IGSF3: variants seen among roughly 807,000 people sequenced by gnomAD.
The protein encoded by IGSF3 is immunoglobulin superfamily member 3, also known as glu-Trp-Ile EWI motif-containing protein 3.
In IGSF3, 23 loss-of-function variants were observed where a neutral mutation model predicts 114.4. That is an observed-to-expected ratio of 0.20 (90% CI 0.14 to 0.28). The LOEUF is 0.28. Ranked by LOEUF, IGSF3 falls within the 10% of genes least tolerant of loss-of-function variation. IGSF3 has a pLI of 1.00. For synonymous variants in IGSF3, 571 were observed against 645.2 expected (o/e 0.88, Z 1.74); for missense variants, 1,172 against 1,591.5 (o/e 0.74, Z 4.48).
intron 2 of IGSF3, among the ~76,000 whole-genome samples, chr1:116,641,718 C>T (rs1009600979): frequency 6.6e-6 from 1 of 151,606 alleles, no homozygotes; most frequent in Non-Finnish European, 1.5e-5. Flanking sequence ...GGAAGGGAAG[C>T]CAGGAAAAGA....
chr1:116,578,027 CACTT>C (rs1207836388), intron 10 of IGSF3, among the ~76,000 whole-genome samples: 1 of 152,220 alleles, frequency 6.6e-6, no homozygotes. Flanking sequence ...CCAGAAATGA[CACTT>C]ACCTGATTAA....
In IGSF3 at chr1:116,647,450, G is replaced by C. The variant is rs1251653719; in HGVS notation, c.43+18834C>G. On this transcript the variant is annotated intron_variant, in intron 2 of 10. Transcript: ENST00000369486. The surrounding 1 kb of genome is among the most constrained non-coding windows in gnomAD (Gnocchi z 4.6). ...GTCTACAGCCAATCAGCTGACCGGG[G>C]TGGCAACCCCTGGCTCTGCTCAACA... Among the ~76,000 whole-genome samples, 3 of 152,346 alleles carry C rather than the reference G, an allele frequency of 2.0e-5. No individual in the cohort carries two copies. The highest frequency in any genetic ancestry group is 3.9e-4 in the East Asian group (2 of 5,182).
At position 116,614,733 on chromosome 1, in the gene IGSF3, G is replaced by A. The variant is rs970056844; in HGVS notation, c.422-558C>T. Among the ~76,000 whole-genome samples the A allele has an allele frequency of 6.6e-6, 1 of 152,066 alleles. No individual in the cohort carries two copies. The highest frequency in any genetic ancestry group is 1.5e-5 in the Non-Finnish European group (1 of 68,020). On this transcript the variant is annotated intron_variant, in intron 3 of 10. Transcript: ENST00000369486. The surrounding 1 kb of genome is among the most constrained non-coding windows in gnomAD (Gnocchi z 4.5). ...AAATAATCATCATACCCTATTTTTAGTGGGTTTAATTTTCGCATAATTCAT... is the reference window on the plus strand; with the variant it reads ...AAATAATCATCATACCCTATTTTTAATGGGTTTAATTTTCGCATAATTCAT...
In IGSF3 at chr1:116,593,748, G is replaced by T. The variant is rs1391922045; in HGVS notation, c.2030-4644C>A. On this transcript the variant is annotated intron_variant, in intron 7 of 10. Transcript: ENST00000369486. The surrounding 1 kb of genome is among the most constrained non-coding windows in gnomAD (Gnocchi z 4.5). Reference sequence around the variant, plus strand: ...GGGGATTTCCCTAAATGGCAAATGGGGCATGCTACTGCCCACGGCTGCCCA... The same window carrying T: ...GGGGATTTCCCTAAATGGCAAATGGTGCATGCTACTGCCCACGGCTGCCCA... Among the ~76,000 whole-genome samples the T allele has an allele frequency of 2.6e-5, 4 of 152,152 alleles. No homozygotes were observed. The highest frequency in any genetic ancestry group is 5.9e-5 in the Non-Finnish European group (4 of 68,038).
At chr1:116,653,129 G>C (rs1233273917) in intron 2 of IGSF3, among the ~76,000 whole-genome samples, 3 of 152,190 alleles carry the variant, frequency 2.0e-5, no homozygotes, top group Non-Finnish European at 4.4e-5. Context: ...TCATGGGCTA[G>C]GGAAGATTAT....
chr1:116,623,606 A>C (rs1661485055), intron 2 of IGSF3, among the ~76,000 whole-genome samples: 1 of 151,948 alleles, frequency 6.6e-6, no homozygotes, highest in Admixed American at 6.6e-5. Flanking sequence ...TGGGAGATGG[A>C]GGTTGCAGCA....
chr1:116,661,877 T>A lies in IGSF3; in HGVS notation c.43+4407A>T, dbSNP rs778334118. 6.6e-6 allele frequency among the ~76,000 whole-genome samples: 1 copy of A among 152,202 alleles called. No homozygotes were observed. Among genetic ancestry groups the A allele is most frequent in the Non-Finnish European group, 1.5e-5 (1 of 68,048 alleles). On this transcript the variant is annotated intron_variant, in intron 2 of 10. Transcript: ENST00000369486. This position sits in a 1 kb window ranked among gnomAD's most constrained non-coding sequence, Gnocchi z 4.0. ...CCAATGAGAATGTTAGTGGAAGTGA[T>A]GTATATAACTTCCAGGAAGTATCCT...
chr1:116,623,460 T>C (rs1478180450), intron 2 of IGSF3, among the ~76,000 whole-genome samples: 1 of 151,628 alleles, frequency 6.6e-6, no homozygotes, highest in Non-Finnish European at 1.5e-5. Flanking sequence ...CCAAGGCAGA[T>C]GGATCACTTG....
At position 116,594,953 on chromosome 1, in the gene IGSF3, G is replaced by A. The variant is rs1228719633; in HGVS notation, c.2029+4988C>T. Among the ~76,000 whole-genome samples the A allele has an allele frequency of 2.6e-5, 4 of 151,702 alleles. No homozygotes were observed. Among genetic ancestry groups the A allele is most frequent in the Non-Finnish European group, 5.9e-5 (4 of 67,974 alleles). ...CTGTGCTGGCTCTGCCTCCACACCT[G>A]TAACGCTTTTCTGCTCTCCTTTGTC... On this transcript the variant is annotated intron_variant, in intron 7 of 10. Transcript: ENST00000369486. This position sits in a 1 kb window ranked among gnomAD's most constrained non-coding sequence, Gnocchi z 5.2.
intron 7 of IGSF3, among the ~76,000 whole-genome samples, chr1:116,591,297 T>C (rs1217636185): frequency 6.6e-6 from 1 of 152,132 alleles, no homozygotes; most frequent in Non-Finnish European, 1.5e-5. Flanking sequence ...AAATGATATC[T>C]ATATCAGTGC....
intron 2 of IGSF3, among the ~76,000 whole-genome samples, chr1:116,623,568 A>C (rs1056394784): frequency 6.6e-6 from 1 of 152,074 alleles, no homozygotes; most frequent in African/African-American, 2.4e-5. Context: ...CGCTATCAGG[A>C]GGCTGAGGCA....
At position 116,608,332 on chromosome 1, in the gene IGSF3, C is replaced by A; in HGVS notation, c.833-1G>T. ...TCCAGCCGAACAGTGAATTCTTTGT[C>A]TGAGAGAACAAGTAAGAAAAGAGAC... On this transcript the variant is annotated splice_acceptor_variant, in intron 4 of 10. Transcript: ENST00000369486. LOFTEE classifies it high-confidence loss of function. 1 of 1,611,158 alleles carries A rather than the reference C, an allele frequency of 6.2e-7. No homozygotes were observed. The highest frequency in any genetic ancestry group is 8.5e-7 in the Non-Finnish European group (1 of 1,177,938).
chr1:116,615,600 T>TA lies in IGSF3; in HGVS notation c.421+479dup, dbSNP rs1365647598. ...GGGAGACAGCCAGTTCATAGTTCCTTACGCATGGAGCCAAAGGACCTTCAA... is the reference window on the plus strand; with the variant it reads ...GGGAGACAGCCAGTTCATAGTTCCTTAACGCATGGAGCCAAAGGACCTTCAA... On this transcript the variant is annotated intron_variant, in intron 3 of 10. Transcript: ENST00000369486. The surrounding 1 kb of genome is among the most constrained non-coding windows in gnomAD (Gnocchi z 4.3). Among the ~76,000 whole-genome samples, 1 of 152,160 alleles carries TA rather than the reference T, an allele frequency of 6.6e-6. No individual in the cohort carries two copies. The highest frequency in any genetic ancestry group is 1.5e-5 in the Non-Finnish European group (1 of 68,032).
At position 116,642,068 on chromosome 1, in the gene IGSF3, C is replaced by A. The variant is rs1571184439; in HGVS notation, c.43+24216G>T. Among the ~76,000 whole-genome samples, 1 of 152,022 alleles carries A rather than the reference C, an allele frequency of 6.6e-6. No individual in the cohort carries two copies. Among genetic ancestry groups the A allele is most frequent in the African/African-American group, 2.4e-5 (1 of 41,378 alleles). The stretch of plus-strand genomic sequence containing the variant: ...ACAAGCATGAGCCACTGTGCCCCAG[C>A]CCAACATCAGATTTCAAAAGTACTA... On this transcript the variant is annotated intron_variant, in intron 2 of 10. Coordinates refer to ENST00000369486, the MANE Select transcript of IGSF3 (RefSeq NM_001007237.3). The surrounding 1 kb of genome is among the most constrained non-coding windows in gnomAD (Gnocchi z 5.4).
At position 116,589,876 on chromosome 1, in the gene IGSF3, G is replaced by A. The variant is rs200790422; in HGVS notation, c.2030-772C>T. Reference sequence around the variant, plus strand: ...CTGGGGATGCCCTGAAGAGTAAGCCGGAGTCCCAGCCCTCATGGGGTGGAC... The same window carrying A: ...CTGGGGATGCCCTGAAGAGTAAGCCAGAGTCCCAGCCCTCATGGGGTGGAC... On this transcript the variant is annotated intron_variant, in intron 7 of 10. Coordinates refer to ENST00000369486, the MANE Select transcript of IGSF3 (RefSeq NM_001007237.3). This position sits in a 1 kb window ranked among gnomAD's most constrained non-coding sequence, Gnocchi z 5.7. Among the ~76,000 whole-genome samples the A allele has an allele frequency of 1.3e-5, 2 of 152,156 alleles. No homozygotes were observed. The highest frequency in any genetic ancestry group is 2.4e-5 in the African/African-American group (1 of 41,438).
rs1660248869 is a variant in IGSF3 at position 116,594,301 on chromosome 1, T to C, written c.2030-5197A>G. ...CTTTTTTTAAAAAAAACTTTCTTTATCCCACAACTAGGACAATATAGCAAA... is the reference window on the plus strand; with the variant it reads ...CTTTTTTTAAAAAAAACTTTCTTTACCCCACAACTAGGACAATATAGCAAA... On this transcript the variant is annotated intron_variant, in intron 7 of 10. Coordinates refer to ENST00000369486, the MANE Select transcript of IGSF3 (RefSeq NM_001007237.3). This position sits in a 1 kb window ranked among gnomAD's most constrained non-coding sequence, Gnocchi z 5.2. Among the ~76,000 whole-genome samples the C allele has an allele frequency of 6.6e-6, 1 of 152,204 alleles. No homozygotes were observed. Among genetic ancestry groups the C allele is most frequent in the Non-Finnish European group, 1.5e-5 (1 of 68,042 alleles).
chr1:116,588,853 A>C lies in IGSF3; in HGVS notation c.2281T>G (p.Ser761Ala). The C allele has an allele frequency of 2.5e-6, 4 of 1,614,140 alleles. No individual in the cohort carries two copies. The highest frequency in any genetic ancestry group is 4.5e-5 in the East Asian group (2 of 44,880). ...RARLQFERHV[S>A]GGLFSLTVQR... ...ACGGTGAGGCTGAACAGGCCCCCCG[A>C]CACATGCCTCTCAAACTGGAGCCTG... is the stretch of plus-strand genomic sequence containing the variant. Residue 761 changes from serine to alanine, a missense_variant, in exon 8 of 11, where the codon TCG (serine) becomes GCG (alanine). Coordinates refer to ENST00000369486, the MANE Select transcript of IGSF3 (RefSeq NM_001007237.3). The surrounding 1 kb of genome is among the most constrained non-coding windows in gnomAD (Gnocchi z 4.9).
Position 116,603,577 on chromosome 1 carries a change from A to G in IGSF3, c.1624+47T>C. On this transcript the variant is annotated intron_variant, in intron 6 of 10. Coordinates refer to ENST00000369486, the MANE Select transcript of IGSF3 (RefSeq NM_001007237.3). This position sits in a 1 kb window ranked among gnomAD's most constrained non-coding sequence, Gnocchi z 7.1. ...AGTCAGGATAAGGTGTTTGACACTG[A>G]AGCTGTCTCCATGCCAGACCCACTG... is the stretch of plus-strand genomic sequence containing the variant. 6.4e-7 allele frequency: 1 copy of G among 1,571,902 alleles called. No homozygotes were observed. Among genetic ancestry groups the G allele is most frequent in the Middle Eastern group, 1.7e-4 (1 of 5,834 alleles).
chr1:116,639,740 G>A (rs1647996788), intron 2 of IGSF3, among the ~76,000 whole-genome samples: 1 of 152,162 alleles, frequency 6.6e-6, no homozygotes, highest in African/African-American at 2.4e-5. Flanking sequence ...TAAGTTAAAG[G>A]AGCTCCATGA....
Sources: gnomAD v4.1 joint callset for allele counts (sites outside exome capture counted in the v4.1 genomes callset) on GRCh38, gnomAD v4.1.1 for gene constraint, Gnocchi (gnomAD v3.1) non-coding constraint, MANE v1.5 for transcripts, NCBI Gene and HGNC (gene_info 2026-07-23, HGNC 2026-07-21) for gene names.